PRKG1: variants seen among roughly 807,000 people sequenced by gnomAD.
PRKG1 encodes the protein protein kinase cGMP-dependent 1.
Under a neutral mutation model 88.1 loss-of-function variants are expected in PRKG1, and 35 were observed. The ratio of observed to expected loss-of-function variants is 0.40; its 90% CI spans 0.30 to 0.53. PRKG1 has a LOEUF of 0.53. PRKG1 is among the 20% of genes least tolerant of loss of function. The pLI is 0.59. For synonymous variants in PRKG1, 303 were observed against 292.5 expected, an observed-to-expected ratio of 1.04 and a Z score of -0.37; for missense variants, 540 against 839.8, an observed-to-expected ratio of 0.64 and a Z score of 4.41.
At chr10:51,977,908 C>CA (rs1411838680) in intron 5 of PRKG1, among the ~76,000 whole-genome samples, 1 of 152,034 alleles carries the variant, frequency 6.6e-6, no homozygotes. Context: ...AATTTTCTCC[C>CA]ATTCTGTCGG....
chr10:51,425,538 G>A (rs1029753361), intron 2 of PRKG1, among the ~76,000 whole-genome samples: 1 of 152,184 alleles, frequency 6.6e-6, no homozygotes, highest in African/African-American at 2.4e-5. Flanking sequence ...CTGGAAGTCT[G>A]ATTTAATAGA....
At chr10:51,117,454 A>G (rs145334043) in intron 1 of PRKG1, among the ~76,000 whole-genome samples, 114 of 152,370 alleles carry the variant, frequency 7.5e-4, no homozygotes, top group Middle Eastern at 3.4e-3. Context: ...CTAATGAGTA[A>G]TAATCACATA....
intron 1 of PRKG1, among the ~76,000 whole-genome samples, chr10:51,029,335 G>A (rs1215994276): frequency 3.9e-5 from 6 of 152,188 alleles, no homozygotes; most frequent in African/African-American, 1.4e-4. Flanking sequence ...CATCAGATCA[G>A]CATCTGCTGC....
At chr10:51,689,235 A>ATCT (rs1841074132) in intron 3 of PRKG1, among the ~76,000 whole-genome samples, 1 of 115,356 alleles carries the variant, frequency 8.7e-6, no homozygotes, top group Non-Finnish European at 1.8e-5. Context: ...TAATAAATCT[A>ATCT]TCTACTATCT....
rs528565464 is a variant in PRKG1 at position 52,126,194 on chromosome 10, G to A, written c.936-7646G>A. Among the ~76,000 whole-genome samples, 7 of 152,124 alleles carry A rather than the reference G, an allele frequency of 4.6e-5. No homozygotes were observed. In the South Asian group the frequency reaches 8.3e-4, roughly 18 times the overall value. On this transcript the variant is annotated intron_variant, in intron 7 of 17. Transcript: ENST00000373980. ...GGGGAGGTGGTGGTGGGGCAGGGGA[G>A]GGCTACTGGGTATGTTTGTGTACTA... is the stretch of plus-strand genomic sequence containing the variant.
At chr10:51,791,336 C>T (rs58209728) in intron 3 of PRKG1, among the ~76,000 whole-genome samples, 2,377 of 152,198 alleles carry the variant, frequency 0.016, 79 homozygotes, top group African/African-American at 0.054. Flanking sequence ...TCAAAAATGC[C>T]TATAAAATGT....
At chr10:51,793,362 A>C (rs1838922810) in intron 3 of PRKG1, among the ~76,000 whole-genome samples, 1 of 152,098 alleles carries the variant, frequency 6.6e-6, no homozygotes, top group African/African-American at 2.4e-5. Context: ...TCAAAGGAGA[A>C]AAATGATGGA....
At chr10:52,102,598 AG>A (rs59434287) in intron 7 of PRKG1, among the ~76,000 whole-genome samples, 24,192 of 130,234 alleles carry the variant, frequency 0.19, 2,092 homozygotes, top group East Asian at 0.29. Flanking sequence ...GGCAAAAAAA[AG>A]AAAAAAAAAT....
At chr10:51,394,950 G>C (rs1837536340) in intron 2 of PRKG1, among the ~76,000 whole-genome samples, 1 of 151,898 alleles carries the variant, frequency 6.6e-6, no homozygotes. Context: ...TTTAAAAATT[G>C]TTCCTTCCTT....
intron 5 of PRKG1, among the ~76,000 whole-genome samples, chr10:52,018,247 C>A (rs1274889190): frequency 1.3e-5 from 2 of 152,028 alleles, no homozygotes; most frequent in East Asian, 3.9e-4. Context: ...AATGAATGGG[C>A]AAGAAACTGT....
At chr10:52,049,886 G>A (rs917873775) in intron 5 of PRKG1, among the ~76,000 whole-genome samples, 1 of 152,216 alleles carries the variant, frequency 6.6e-6, no homozygotes, top group South Asian at 2.1e-4. Context: ...ACTAGACACA[G>A]TTCTTGCTTT....
intron 5 of PRKG1, among the ~76,000 whole-genome samples, chr10:51,987,704 C>T (rs945607127): frequency 2.0e-5 from 3 of 151,942 alleles, no homozygotes; most frequent in Non-Finnish European, 2.9e-5. Flanking sequence ...ACTATTCGCT[C>T]TAAAGAAATT....
At chr10:52,240,674 G>A (rs947414696) in intron 9 of PRKG1, among the ~76,000 whole-genome samples, 24 of 152,024 alleles carry the variant, frequency 1.6e-4, no homozygotes, top group Non-Finnish European at 3.2e-4. Context: ...TTAACGCACC[G>A]ATCACTATTA....
At chr10:51,317,105 C>G (rs1841342636) in intron 2 of PRKG1, among the ~76,000 whole-genome samples, 1 of 152,180 alleles carries the variant, frequency 6.6e-6, no homozygotes, top group African/African-American at 2.4e-5. Context: ...CCCTTCACAC[C>G]TGTCCTGCAG....
At chr10:51,831,825 G>A (rs561473726) in intron 4 of PRKG1, among the ~76,000 whole-genome samples, 2 of 152,216 alleles carry the variant, frequency 1.3e-5, no homozygotes, top group East Asian at 1.9e-4. Context: ...TCACCTTGTT[G>A]CAAAGGTAGG....
intron 4 of PRKG1, among the ~76,000 whole-genome samples, chr10:51,904,207 A>G (rs1001582820): frequency 6.6e-6 from 1 of 152,150 alleles, no homozygotes; most frequent in Non-Finnish European, 1.5e-5. Context: ...ATTACTCATA[A>G]TTAGCATGTA....
rs192718494 is a variant in PRKG1, at chr10:51,459,842, C to T, written c.479-7881C>T. 2.6e-3 allele frequency among the ~76,000 whole-genome samples: 391 copies of T among 152,198 alleles called. 1 individual carries two copies. Among genetic ancestry groups the T allele is most frequent in the Non-Finnish European group, 2.7e-3 (182 of 67,992 alleles). On this transcript the variant is annotated intron_variant, in intron 2 of 17. Coordinates refer to ENST00000373980, the MANE Select transcript of PRKG1 (RefSeq NM_006258.4). ...TGTGGAAAATTATTCAGTAAAGTAGCTTTGTGGCTTTATTCAATCTGCTGG... is the reference window on the plus strand; with the variant it reads ...TGTGGAAAATTATTCAGTAAAGTAGTTTTGTGGCTTTATTCAATCTGCTGG...
chr10:51,505,419 G>A (rs1452940240), intron 3 of PRKG1, among the ~76,000 whole-genome samples: 1 of 152,094 alleles, frequency 6.6e-6, no homozygotes, highest in African/African-American at 2.4e-5. Flanking sequence ...CAAGGATATT[G>A]GTCTAAAATT....
At chr10:51,800,390 A>G (rs901944609) in intron 3 of PRKG1, among the ~76,000 whole-genome samples, 2 of 152,090 alleles carry the variant, frequency 1.3e-5, no homozygotes, top group African/African-American at 4.8e-5. Context: ...ATGCATTTAA[A>G]CACTCAACCT....
Sources: gnomAD v4.1 joint callset for allele counts (sites outside exome capture counted in the v4.1 genomes callset) on GRCh38, gnomAD v4.1.1 for gene constraint, MANE v1.5 for transcripts, NCBI Gene and HGNC (gene_info 2026-07-23, HGNC 2026-07-21) for gene names.